Variants in KCNQ5 observed in about 807,000 individuals in gnomAD.
KCNQ5 encodes the protein potassium voltage-gated channel subfamily KQT member 5.
A neutral mutation model predicts 98.2 loss-of-function variants in KCNQ5; 30 were observed. The ratio of observed to expected loss-of-function variants is 0.31; its 90% CI spans 0.23 to 0.41. KCNQ5 has a LOEUF of 0.41. Among genes scored for constraint, KCNQ5 ranks in the 10% least tolerant of loss-of-function variants. KCNQ5 has a pLI of 1.00. For missense variants in KCNQ5, 835 were observed against 1,182.5 expected (o/e 0.71, Z 4.31); for synonymous variants, 458 against 449.4 (o/e 1.02, Z -0.24).
intron 1 of KCNQ5, among the ~76,000 whole-genome samples, chr6:72,699,316 C>T (rs1036177648): frequency 6.6e-6 from 1 of 152,138 alleles, no homozygotes; most frequent in Non-Finnish European, 1.5e-5. Flanking sequence ...GACGACTGCT[C>T]AGGTTCAAAT....
chr6:72,766,572 T>C (rs777837081), intron 1 of KCNQ5, among the ~76,000 whole-genome samples: 45 of 151,902 alleles, frequency 3.0e-4, no homozygotes, highest in Non-Finnish European at 6.3e-4. Flanking sequence ...GCAGTGGAAG[T>C]AGTAAGAATT....
At chr6:73,037,683 G>C (rs1771501151) in intron 2 of KCNQ5, among the ~76,000 whole-genome samples, 1 of 152,048 alleles carries the variant, frequency 6.6e-6, no homozygotes, top group South Asian at 2.1e-4. Flanking sequence ...TGTGGGTCTA[G>C]TTCTGAATTC....
Position 72,744,901 on chromosome 6 carries a change from AG to A in KCNQ5, c.398+122316del, listed in dbSNP as rs1208988329. Among the ~76,000 whole-genome samples, 9 of 152,292 alleles carry A rather than the reference AG, an allele frequency of 5.9e-5. No individual in the cohort carries two copies. In the South Asian group the frequency reaches 1.2e-3, roughly 21 times the overall value. On this transcript the variant is annotated intron_variant, in intron 1 of 13. Transcript: ENST00000370398. ...AGAAATCCTATAGTTAGAATGGGGA[AG>A]GTTTTTTGGGAAACATGAGTTAAGG...
rs765756929 is a variant in KCNQ5 at position 72,622,178 on chromosome 6, C to G, written c.-12C>G. The G allele has an allele frequency of 4.9e-6, 6 of 1,220,476 alleles. No homozygotes were observed. The highest frequency in any genetic ancestry group is 6.5e-5 in the East Asian group (2 of 30,546). 75.6% of individuals were successfully genotyped at this position (1,220,476 alleles called of 1,614,324 possible). A position where few individuals can be genotyped will look rare whatever the true frequency, so the allele number is the denominator to read the frequency against. ...GCGCTGGCGGCCCCCTCGCGGTGCC[C>G]GTGGTGATGCCATGCCCCGCCACCA... On this transcript the variant is annotated 5_prime_UTR_variant, in exon 1 of 14. Coordinates refer to ENST00000370398, the MANE Select transcript of KCNQ5 (RefSeq NM_019842.4). This position sits in a 1 kb window ranked among gnomAD's most constrained non-coding sequence, Gnocchi z 6.0.
At position 72,642,835 on chromosome 6, in the gene KCNQ5, A is replaced by G. The variant is rs745312606; in HGVS notation, c.398+20248A>G. 8.5e-5 allele frequency among the ~76,000 whole-genome samples: 13 copies of G among 152,306 alleles called. No individual in the cohort carries two copies. In the South Asian group the frequency reaches 2.3e-3, roughly 27 times the overall value. ...TATGTTCATTGTAACACTATTGACA[A>G]TAGCAAAGACATGGAGTCAAACTAA... On this transcript the variant is annotated intron_variant, in intron 1 of 13. Transcript: ENST00000370398.
intron 6 of KCNQ5, among the ~76,000 whole-genome samples, chr6:73,107,542 A>G (rs1775054103): frequency 1.3e-5 from 2 of 152,206 alleles, no homozygotes; most frequent in Admixed American, 1.3e-4. Flanking sequence ...AACAAAATGT[A>G]TGAAGATCTA....
In KCNQ5 at chr6:73,087,731, AAAGAGCCACCAAGG is replaced by A. The variant is rs138582281; in HGVS notation, c.918+9847_918+9860del. Reference sequence around the variant, plus strand: ...GAAAAGGGTAAGAGGAGCCACAGAAAAAGAGCCACCAAGGAATACAAAGAGAAAACCATGGAAGT... The same window carrying A: ...GAAAAGGGTAAGAGGAGCCACAGAAAAATACAAAGAGAAAACCATGGAAGT... On this transcript the variant is annotated intron_variant, in intron 5 of 13. Transcript: ENST00000370398. 5.6e-4 allele frequency among the ~76,000 whole-genome samples: 86 copies of A among 152,352 alleles called. 2 individuals carry two copies. The East Asian group carries it at 0.015, about 27-fold the overall frequency.
intron 5 of KCNQ5, among the ~76,000 whole-genome samples, chr6:73,098,369 A>G (rs1281796531): frequency 1.3e-5 from 2 of 152,200 alleles, no homozygotes. Context: ...ATAATAACAG[A>G]ACTTCCCAAA....
At chr6:72,627,263 A>G (rs1455066628) in intron 1 of KCNQ5, among the ~76,000 whole-genome samples, 1 of 152,216 alleles carries the variant, frequency 6.6e-6, no homozygotes, top group African/African-American at 2.4e-5. Flanking sequence ...TAAGTAGAAA[A>G]AATGAGATAG....
intron 1 of KCNQ5, among the ~76,000 whole-genome samples, chr6:72,939,136 G>A (rs146314804): frequency 0.012 from 1,806 of 152,248 alleles, 42 homozygotes; most frequent in African/African-American, 0.041. Flanking sequence ...ATTACAGAAC[G>A]CTCAGTGCTT....
chr6:72,920,476 G>A (rs888370927), intron 1 of KCNQ5, among the ~76,000 whole-genome samples: 5 of 152,108 alleles, frequency 3.3e-5, no homozygotes, highest in African/African-American at 9.7e-5. Context: ...GTGACCCTAC[G>A]CAGATCATTT....
At chr6:73,163,625 G>A (rs60907107) in intron 10 of KCNQ5, among the ~76,000 whole-genome samples, 6 of 152,296 alleles carry the variant, frequency 3.9e-5, no homozygotes, top group South Asian at 2.1e-4. Context: ...GCAGGCACCC[G>A]TAATCCCAGC....
chr6:72,889,391 G>A (rs578245026), intron 1 of KCNQ5, among the ~76,000 whole-genome samples: 1 of 152,242 alleles, frequency 6.6e-6, no homozygotes, highest in Non-Finnish European at 1.5e-5. Flanking sequence ...GCATATAACT[G>A]ATGCATTTAT....
At chr6:72,964,920 T>C (rs1767532272) in intron 1 of KCNQ5, among the ~76,000 whole-genome samples, 1 of 149,060 alleles carries the variant, frequency 6.7e-6, no homozygotes, top group African/African-American at 2.4e-5. Context: ...TTCTGCTGTT[T>C]TTCACATTTT....
intron 1 of KCNQ5, among the ~76,000 whole-genome samples, chr6:72,988,649 C>CTTTTTTTTTTTTTTT (rs71540364): frequency 7.8e-6 from 1 of 127,870 alleles, no homozygotes; most frequent in Non-Finnish European, 1.6e-5. Context: ...GCATGATTTT[C>CTTTTTTTTTTTTTTT]TTTTTTTTTT....
chr6:73,150,003 A>AG (rs1202190632), intron 10 of KCNQ5, among the ~76,000 whole-genome samples: 3 of 131,320 alleles, frequency 2.3e-5, no homozygotes, highest in Admixed American at 7.1e-5. Flanking sequence ...AAAACACCAC[A>AG]GGGGAAAAAA....
At position 72,897,229 on chromosome 6, in the gene KCNQ5, G is replaced by GA. The variant is rs543260538; in HGVS notation, c.399-106671dup. On this transcript the variant is annotated intron_variant, in intron 1 of 13. Coordinates refer to ENST00000370398, the MANE Select transcript of KCNQ5 (RefSeq NM_019842.4). ...ATGGCTTCTGTGATGGAAATTATTG[G>GA]AAAAAAAATTTATTAAAAAATGAGG... Among the ~76,000 whole-genome samples the GA allele has an allele frequency of 1.4e-4, 22 of 151,918 alleles. 2 individuals carry two copies. The South Asian group carries it at 2.5e-3, about 17-fold the overall frequency.
At chr6:72,895,049 T>A (rs1265999034) in intron 1 of KCNQ5, among the ~76,000 whole-genome samples, 2 of 140,572 alleles carry the variant, frequency 1.4e-5, no homozygotes, top group African/African-American at 5.4e-5. Context: ...GAGGCCGAGA[T>A]GGGCGGATCA....
intron 1 of KCNQ5, among the ~76,000 whole-genome samples, chr6:72,666,531 A>C (rs930669984): frequency 6.6e-6 from 1 of 152,184 alleles, no homozygotes; most frequent in African/African-American, 2.4e-5. Context: ...TTTGAATCTC[A>C]TCTGTGCCTT....
Sources: gnomAD v4.1 joint callset for allele counts (sites outside exome capture counted in the v4.1 genomes callset) on GRCh38, gnomAD v4.1.1 for gene constraint, Gnocchi (gnomAD v3.1) non-coding constraint, MANE v1.5 for transcripts, NCBI Gene and HGNC (gene_info 2026-07-23, HGNC 2026-07-21) for gene names.